The following RAD51B variants were observed in gnomAD, a reference collection of about 807,000 sequenced individuals.
The protein encoded by RAD51B is DNA repair protein RAD51 homolog 2.
Under a neutral mutation model 42.2 loss-of-function variants are expected in RAD51B, and 38 were observed. That is an observed-to-expected ratio of 0.90 (90% CI 0.70 to 1.18). The LOEUF (loss-of-function observed/expected upper bound fraction) is 1.18, where lower values mean the gene tolerates loss of function less well. Among genes scored for constraint, RAD51B ranks in the 50% most tolerant of loss-of-function variants. RAD51B has a pLI of 0.00. For synonymous variants in RAD51B, 154 were observed against 145.2 expected, an observed-to-expected ratio of 1.06 and a Z score of -0.43; for missense variants, 373 against 400.7, an observed-to-expected ratio of 0.93 and a Z score of 0.59.
chr14:68,079,010 T>C lies in RAD51B; in HGVS notation c.756+191806T>C, dbSNP rs150036333. ...TATCTCTAAATAAATAAATAAATCC[T>C]GGTCTATTTAAAACCCTGGATTTGT... On this transcript the variant is annotated intron_variant, in intron 7 of 10. Transcript: ENST00000471583. 3.0e-3 allele frequency among the ~76,000 whole-genome samples: 450 copies of C among 152,260 alleles called. 2 individuals are homozygous for C. The highest frequency in any genetic ancestry group is 0.01 in the African/African-American group (432 of 41,566).
At chr14:68,018,419 T>C (rs995429924) in intron 7 of RAD51B, among the ~76,000 whole-genome samples, 3 of 152,236 alleles carry the variant, frequency 2.0e-5, no homozygotes, top group Non-Finnish European at 2.9e-5. Context: ...GGTACTAATT[T>C]AAATGTCACA....
chr14:68,074,329 C>G (rs1465391229), intron 7 of RAD51B, among the ~76,000 whole-genome samples: 1 of 151,936 alleles, frequency 6.6e-6, no homozygotes, highest in Non-Finnish European at 1.5e-5. Flanking sequence ...TTAATACTTC[C>G]CTTTGTGTTA....
chr14:68,605,445 G>C (rs977955092), intron 10 of RAD51B, among the ~76,000 whole-genome samples: 1 of 152,252 alleles, frequency 6.6e-6, no homozygotes, highest in Non-Finnish European at 1.5e-5. Flanking sequence ...CCCTGCTACT[G>C]TGTCTTGTCT....
exon 11 of RAD51B, chr14:68,595,033 C>T: frequency 1.9e-6 from 2 of 1,073,602 alleles, no homozygotes; most frequent in Non-Finnish European, 2.3e-6. Flanking sequence ...AGATTTTGCC[C>T]CAGTTTCTCC....
At chr14:68,578,842 G>T (rs975067840) in intron 10 of RAD51B, among the ~76,000 whole-genome samples, 6 of 152,202 alleles carry the variant, frequency 3.9e-5, no homozygotes, top group Non-Finnish European at 5.9e-5. Flanking sequence ...TAGCTAATGG[G>T]TGTGTCATTC....
chr14:68,039,412 G>C (rs2076183456), intron 7 of RAD51B, among the ~76,000 whole-genome samples: 2 of 139,958 alleles, frequency 1.4e-5, no homozygotes, highest in South Asian at 4.5e-4. Flanking sequence ...TGGTGACAGA[G>C]CGAGACTTCA....
chr14:68,102,482 A>G (rs1325430713), intron 7 of RAD51B, among the ~76,000 whole-genome samples: 2 of 152,200 alleles, frequency 1.3e-5, no homozygotes, highest in African/African-American at 4.8e-5. Context: ...TTTCTAAAGC[A>G]TAACAAGAGT....
At position 67,965,789 on chromosome 14, in the gene RAD51B, ACT is replaced by A. The variant is rs2074763005; in HGVS notation, c.756+78588_756+78589del. On this transcript the variant is annotated intron_variant, in intron 7 of 10. Transcript: ENST00000471583. ...TACACAGAACACTCTTCCCTGACAA[ACT>A]CTTGCTTGTATAGAGGAACTGAGGA... Among the ~76,000 whole-genome samples, 3 of 151,894 alleles carry A rather than the reference ACT, an allele frequency of 2.0e-5. No homozygotes were observed. In the South Asian group the frequency reaches 6.2e-4, roughly 32 times the overall value.
In RAD51B at chr14:67,829,001, C is replaced by T. The variant is rs191920167; in HGVS notation, c.198+3424C>T. ...TGGTTTCATATGAATTTTAAAATAG[C>T]TTTTTAAAATTCTGTGAAGAATGTG... On this transcript the variant is annotated intron_variant, in intron 3 of 10. Coordinates refer to ENST00000471583, the MANE Select transcript of RAD51B (RefSeq NM_133510.4). Among the ~76,000 whole-genome samples the T allele has an allele frequency of 3.0e-3, 460 of 152,128 alleles. 3 individuals are homozygous for T. Among genetic ancestry groups the T allele is most frequent in the Non-Finnish European group, 5.3e-3 (362 of 67,976 alleles).
intron 11 of RAD51B, among the ~76,000 whole-genome samples, chr14:68,673,393 GCACACACATA>G (rs1371323333): frequency 8.2e-6 from 1 of 121,568 alleles, no homozygotes; most frequent in African/African-American, 3.9e-5. Context: ...ATATATACAT[GCACACACATA>G]CACACACATA....
chr14:68,301,451 G>A (rs1381069016), intron 8 of RAD51B, among the ~76,000 whole-genome samples: 1 of 152,088 alleles, frequency 6.6e-6, no homozygotes, highest in East Asian at 1.9e-4. Context: ...CCAGGAAGAA[G>A]TTTCTTCCTC....
At chr14:68,057,811 TTTTA>T (rs2076501215) in intron 7 of RAD51B, among the ~76,000 whole-genome samples, 1 of 131,352 alleles carries the variant, frequency 7.6e-6, no homozygotes, top group South Asian at 2.5e-4. Flanking sequence ...GACTGTAACC[TTTTA>T]GTTCTTTGTG....
At chr14:68,157,351 T>C (rs1455921992) in intron 7 of RAD51B, among the ~76,000 whole-genome samples, 2 of 152,246 alleles carry the variant, frequency 1.3e-5, no homozygotes, top group African/African-American at 2.4e-5. Flanking sequence ...ACAGGTTTTC[T>C]ATAAGCTAAT....
intron 7 of RAD51B, among the ~76,000 whole-genome samples, chr14:68,026,125 G>A (rs1246800822): frequency 6.6e-6 from 1 of 152,128 alleles, no homozygotes; most frequent in Non-Finnish European, 1.5e-5. Flanking sequence ...TCAGGAGCAA[G>A]TTGTGTAATT....
intron 10 of RAD51B, among the ~76,000 whole-genome samples, chr14:68,545,085 C>T (rs1173238553): frequency 1.3e-5 from 2 of 152,348 alleles, no homozygotes; most frequent in South Asian, 2.1e-4. Context: ...TGTAAAGGGA[C>T]AGGCTTAGCC....
chr14:68,012,966 G>A (rs537641185), intron 7 of RAD51B, among the ~76,000 whole-genome samples: 14 of 152,278 alleles, frequency 9.2e-5, no homozygotes, highest in Non-Finnish European at 2.1e-4. Flanking sequence ...TCCTGTGGCT[G>A]TGTAACAGAT....
At chr14:68,202,689 T>C (rs2079513659) in intron 7 of RAD51B, among the ~76,000 whole-genome samples, 1 of 150,796 alleles carries the variant, frequency 6.6e-6, no homozygotes, top group African/African-American at 2.4e-5. Flanking sequence ...TTAAAGCGAT[T>C]CTCCTGCCTC....
chr14:68,121,704 T>C (rs2077655150), intron 7 of RAD51B, among the ~76,000 whole-genome samples: 1 of 152,148 alleles, frequency 6.6e-6, no homozygotes, highest in Non-Finnish European at 1.5e-5. Context: ...TAACTATACC[T>C]TCTAAGTAAT....
intron 7 of RAD51B, among the ~76,000 whole-genome samples, chr14:68,188,675 CCT>C (rs1338712240): frequency 6.6e-6 from 1 of 152,140 alleles, no homozygotes; most frequent in Non-Finnish European, 1.5e-5. Flanking sequence ...AGGTGATGCT[CCT>C]CTGTTTTGGA....
Sources: allele counts gnomAD v4.1 joint callset (sites outside exome capture counted in the v4.1 genomes callset), GRCh38; gene constraint gnomAD v4.1.1; transcripts MANE v1.5; gene names NCBI Gene and HGNC (gene_info 2026-07-23, HGNC 2026-07-21).